Variants in AUTS2 observed in about 807,000 individuals in gnomAD.
AUTS2 encodes the protein activator of transcription and developmental regulator AUTS2.
A neutral mutation model predicts 112.4 loss-of-function variants in AUTS2; 17 were observed. The observed-to-expected ratio is 0.15, with a 90% CI of 0.10 to 0.23. AUTS2 has a LOEUF of 0.23. Among genes scored for constraint, AUTS2 ranks in the 10% least tolerant of loss-of-function variants. The probability of loss-of-function intolerance (pLI) is 1.00; values close to 1 mark genes in which losing one functional copy is unlikely to be tolerated. For synonymous variants in AUTS2, 751 were observed against 702.7 expected, an observed-to-expected ratio of 1.07 and a Z score of -1.09; for missense variants, 1,510 against 1,701.6, an observed-to-expected ratio of 0.89 and a Z score of 1.98.
chr7:69,868,204 G>T (rs1347792334), intron 1 of AUTS2, among the ~76,000 whole-genome samples: 1 of 152,122 alleles, frequency 6.6e-6, no homozygotes, highest in Non-Finnish European at 1.5e-5. Context: ...AAAAGCTTCT[G>T]TTGGCTATTG....
intron 4 of AUTS2, among the ~76,000 whole-genome samples, chr7:70,302,551 C>T (rs1789266662): frequency 6.6e-6 from 1 of 151,418 alleles, no homozygotes; most frequent in South Asian, 2.1e-4. Flanking sequence ...TTTTCCTCTC[C>T]TCTCTATCCC....
intron 14 of AUTS2, among the ~76,000 whole-genome samples, chr7:70,778,997 C>CA (rs1196315700): frequency 6.6e-6 from 1 of 152,172 alleles, no homozygotes; most frequent in East Asian, 1.9e-4. Context: ...AGAAAGACCT[C>CA]TTGAACATGA....
intron 4 of AUTS2, among the ~76,000 whole-genome samples, chr7:70,301,634 A>G (rs1789218582): frequency 6.6e-6 from 1 of 152,194 alleles, no homozygotes; most frequent in African/African-American, 2.4e-5. Context: ...CTGATAACAA[A>G]TAACTTTCCA....
intron 4 of AUTS2, among the ~76,000 whole-genome samples, chr7:70,192,824 T>C (rs560867472): frequency 5.3e-5 from 8 of 152,304 alleles, no homozygotes; most frequent in African/African-American, 1.9e-4. Flanking sequence ...TTTGGGCAGA[T>C]GGAATGCTCA....
chr7:69,695,587 A>G lies in AUTS2; in HGVS notation c.309+95625A>G, dbSNP rs1797525233. Among the ~76,000 whole-genome samples, 3 of 152,178 alleles carry G rather than the reference A, an allele frequency of 2.0e-5. 1 individual carries two copies. The highest frequency in any genetic ancestry group is 2.0e-4 in the Admixed American group (3 of 15,286). ...TAATACTCACTTTAAAAACAAAATT[A>G]ATTGGGCAAATGTTCATATCCATTT... On this transcript the variant is annotated intron_variant, in intron 1 of 18. Transcript: ENST00000342771.
intron 1 of AUTS2, among the ~76,000 whole-genome samples, chr7:69,798,717 G>GT (rs1789957667): frequency 6.6e-6 from 1 of 152,200 alleles, no homozygotes; most frequent in African/African-American, 2.4e-5. Context: ...ATAGCTGGGT[G>GT]TGGTGACTCA....
At chr7:69,851,766 T>C (rs993838673) in intron 1 of AUTS2, among the ~76,000 whole-genome samples, 5 of 152,212 alleles carry the variant, frequency 3.3e-5, no homozygotes, top group Non-Finnish European at 5.9e-5. Flanking sequence ...CATAACATTG[T>C]AATTTTGATT....
intron 6 of AUTS2, among the ~76,000 whole-genome samples, chr7:70,708,814 G>C (rs1487905653): frequency 6.6e-6 from 1 of 151,896 alleles, no homozygotes; most frequent in Non-Finnish European, 1.5e-5. Context: ...AGTTAATTAA[G>C]CTATTGCAAA....
chr7:70,242,939 C>T (rs1038455262), intron 4 of AUTS2, among the ~76,000 whole-genome samples: 2 of 152,152 alleles, frequency 1.3e-5, no homozygotes, highest in African/African-American at 4.8e-5. Context: ...GTAAAGGTCA[C>T]AGCAGTAGTT....
At chr7:70,004,217 T>C (rs1001911472) in intron 2 of AUTS2, among the ~76,000 whole-genome samples, 1 of 136,330 alleles carries the variant, frequency 7.3e-6, no homozygotes, top group Non-Finnish European at 1.5e-5. Context: ...ATGAATGTGT[T>C]ATATGTGAAT....
At chr7:70,070,719 A>T (rs1802720186) in intron 2 of AUTS2, among the ~76,000 whole-genome samples, 1 of 151,752 alleles carries the variant, frequency 6.6e-6, no homozygotes, top group Admixed American at 6.6e-5. Context: ...ACAAAAAATT[A>T]GCCGAGCATG....
At position 70,787,357 on chromosome 7, in the gene AUTS2, G is replaced by T. The variant is rs1309064482; in HGVS notation, c.2457G>T (p.Ala819=). 1 of 1,613,634 alleles carries T rather than the reference G, an allele frequency of 6.2e-7. No individual in the cohort carries two copies. Among genetic ancestry groups the T allele is most frequent in the Non-Finnish European group, 8.5e-7 (1 of 1,179,574 alleles). The change falls in exon 18 of 19, where the codon GCG becomes GCT. Residue 819 remains alanine, a synonymous_variant. Coordinates refer to ENST00000342771, the MANE Select transcript of AUTS2 (RefSeq NM_015570.4). ...AGCCAGGGGAGCTGGAGCGCAGCGC[G>T]TCCGCTGCAGCTCATGACAGAGATA... ...WLKPGELERS[A]SAAAHDRDRD...
intron 1 of AUTS2, among the ~76,000 whole-genome samples, chr7:69,669,030 T>C (rs1796196500): frequency 6.6e-6 from 1 of 152,210 alleles, no homozygotes; most frequent in South Asian, 2.1e-4. Context: ...TGTAATGTTC[T>C]CTTTATTAAC....
Position 70,218,748 on chromosome 7 carries a change from T to TGGGGC in AUTS2, c.660+84178_660+84182dup, listed in dbSNP as rs1302605438. On this transcript the variant is annotated intron_variant, in intron 4 of 18. Transcript: ENST00000342771. ...ACCTACTTTCTTCATTCTTGGTAGATGGGGCCAGGGGGTTGCTCTTTTACC... is the reference window on the plus strand; with the variant it reads ...ACCTACTTTCTTCATTCTTGGTAGATGGGGCGGGGCCAGGGGGTTGCTCTTTTACC... Among the ~76,000 whole-genome samples, 9 of 152,328 alleles carry TGGGGC rather than the reference T, an allele frequency of 5.9e-5. No homozygotes were observed. In the East Asian group the frequency reaches 1.7e-3, roughly 29 times the overall value.
intron 4 of AUTS2, among the ~76,000 whole-genome samples, chr7:70,410,427 T>TTTATTTAC (rs1436902993): frequency 7.1e-6 from 1 of 141,592 alleles, no homozygotes; most frequent in Non-Finnish European, 1.5e-5. Context: ...TATTTATTTA[T>TTTATTTAC]TTATTTATTT....
intron 1 of AUTS2, among the ~76,000 whole-genome samples, chr7:69,660,829 G>C (rs568632784): frequency 6.6e-6 from 1 of 152,284 alleles, no homozygotes; most frequent in East Asian, 1.9e-4. Flanking sequence ...CAGCTACTTG[G>C]GAGGCTTAGG....
intron 5 of AUTS2, among the ~76,000 whole-genome samples, chr7:70,606,971 G>T (rs538987694): frequency 1.3e-5 from 2 of 152,276 alleles, no homozygotes; most frequent in Admixed American, 1.3e-4. Flanking sequence ...AGACAGCTAG[G>T]TGTGGAGACC....
intron 2 of AUTS2, among the ~76,000 whole-genome samples, chr7:70,106,150 ATCT>A (rs1262081436): frequency 6.6e-6 from 1 of 152,218 alleles, no homozygotes. Flanking sequence ...GTCTTTATAC[ATCT>A]TCTGGAGCTG....
chr7:69,599,788 G>C lies in AUTS2; in HGVS notation c.135G>C (p.Ala45=). Residue 45 remains alanine (A), a synonymous_variant, in exon 1 of 19, where the codon GCG becomes GCC. Transcript: ENST00000342771. This position sits in a 1 kb window ranked among gnomAD's most constrained non-coding sequence, Gnocchi z 7.0. ...GCGGCGGGGCTGGCCGGACCCGGGC[G>C]CTCTCACTCGCCTCGTCGTCGGGCT... ...AGGGGAGRTR[A]LSLASSSGSD... 1.3e-6 allele frequency: 2 copies of C among 1,557,626 alleles called. No homozygotes were observed. The highest frequency in any genetic ancestry group is 1.7e-6 in the Non-Finnish European group (2 of 1,154,328).
Sources: gnomAD v4.1 joint callset for allele counts (sites outside exome capture counted in the v4.1 genomes callset) on GRCh38, gnomAD v4.1.1 for gene constraint, Gnocchi (gnomAD v3.1) non-coding constraint, MANE v1.5 for transcripts, NCBI Gene and HGNC (gene_info 2026-07-23, HGNC 2026-07-21) for gene names.